COPG2: variants seen among roughly 807,000 people sequenced by gnomAD.
COPG2 encodes the protein coatomer subunit gamma-2.
Under a neutral mutation model 46.3 loss-of-function variants are expected in COPG2, and 37 were observed. The observed-to-expected ratio is 0.80, with a 90% CI of 0.61 to 1.05. The LOEUF (loss-of-function observed/expected upper bound fraction) is 1.05. COPG2 is among the 50% of genes least tolerant of loss of function. COPG2 has a pLI of 0.00. For synonymous variants in COPG2, 159 were observed against 129.7 expected (o/e 1.23, Z -1.53); for missense variants, 427 against 387.8 (o/e 1.10, Z -0.85).
chr7:130,510,417 A>C (rs1236352213), intron 20 of COPG2, among the ~76,000 whole-genome samples: 1 of 152,168 alleles, frequency 6.6e-6, no homozygotes, highest in African/African-American at 2.4e-5. Context: ...CATTTTTTTT[A>C]AACCATGAAA....
Position 130,659,359 on chromosome 7 carries a change from A to AAAAAAAAAAAAAC in COPG2, c.243+3607_243+3608insGTTTTTTTTTTTT, listed in dbSNP as rs1242314650. ...GACAGAGCAAGACTCCGTCTCAAAA[A>AAAAAAAAAAAAAC]AAAAAAAAACGAACAAACAAGCATT... is the stretch of plus-strand genomic sequence containing the variant. On this transcript the variant is annotated intron_variant, in intron 4 of 23. Coordinates refer to ENST00000425248, the MANE Select transcript of COPG2 (RefSeq NM_012133.6). Among the ~76,000 whole-genome samples the AAAAAAAAAAAAAC allele has an allele frequency of 7.4e-5, 11 of 149,406 alleles. 1 individual carries two copies. Among genetic ancestry groups the AAAAAAAAAAAAAC allele is most frequent in the Non-Finnish European group, 1.5e-4 (10 of 67,116 alleles).
intron 5 of COPG2, among the ~76,000 whole-genome samples, chr7:130,620,794 G>A (rs1347125523): frequency 6.6e-6 from 1 of 152,134 alleles, no homozygotes; most frequent in Non-Finnish European, 1.5e-5. Flanking sequence ...AATGCAATGG[G>A]TTTAGATTTT....
At chr7:130,574,744 AAGCT>A (rs1414947227) in intron 9 of COPG2, among the ~76,000 whole-genome samples, 4 of 152,182 alleles carry the variant, frequency 2.6e-5, no homozygotes, top group Non-Finnish European at 5.9e-5. Context: ...GTTAGGTATT[AAGCT>A]AATCAGAGAG....
rs139372686 is a variant in COPG2, at chr7:130,613,456, C to G, written c.492+88G>C. Reference sequence around the variant, plus strand: ...GGTGTATACATATTTTTAACTGTTTCATTTGTGAGACAATCATAGTGATAC... The same window carrying G: ...GGTGTATACATATTTTTAACTGTTTGATTTGTGAGACAATCATAGTGATAC... On this transcript the variant is annotated intron_variant, in intron 7 of 23. Transcript: ENST00000425248. 1,696 of 817,640 alleles carry G rather than the reference C, an allele frequency of 2.1e-3. 1 individual carries two copies. Among genetic ancestry groups the G allele is most frequent in the Non-Finnish European group, 3.1e-3 (1,533 of 489,474 alleles). The allele number at this position is 817,640 out of a possible 1,614,324, so 50.6% of individuals were successfully genotyped here. A position where few individuals can be genotyped will look rare whatever the true frequency, so the allele number is the denominator to read the frequency against.
At chr7:130,553,326 T>TCC (rs1274328739) in intron 14 of COPG2, among the ~76,000 whole-genome samples, 3 of 149,528 alleles carry the variant, frequency 2.0e-5, no homozygotes, top group African/African-American at 7.4e-5. Flanking sequence ...CATTTGAAAG[T>TCC]CCCCCCCGCC....
chr7:130,574,847 T>A (rs1275958411), intron 9 of COPG2, among the ~76,000 whole-genome samples: 1 of 151,846 alleles, frequency 6.6e-6, no homozygotes, highest in Non-Finnish European at 1.5e-5. Context: ...ATAGATTGCT[T>A]AAAGAAAAAA....
intron 16 of COPG2, among the ~76,000 whole-genome samples, 188 bp from the exon 17 acceptor site, chr7:130,550,837 T>C (rs1793526889): frequency 1.3e-5 from 2 of 152,324 alleles, no homozygotes; most frequent in African/African-American, 4.8e-5. Flanking sequence ...AACTGACTTA[T>C]TTCATTCAAG....
intron 11 of COPG2, among the ~76,000 whole-genome samples, 182 bp from the exon 12 acceptor site, chr7:130,561,403 G>C (rs1793717021): frequency 1.3e-5 from 2 of 152,178 alleles, no homozygotes; most frequent in Admixed American, 1.3e-4. Flanking sequence ...TCAACGGCCA[G>C]AGTATAGCAT....
chr7:130,591,774 A>G (rs1370699139), intron 9 of COPG2, among the ~76,000 whole-genome samples: 68 of 132,024 alleles, frequency 5.2e-4, no homozygotes, highest in African/African-American at 1.6e-3. Context: ...CCGGGAGGGA[A>G]GTGGAGGGGT....
At chr7:130,512,052 T>TAAAAAAAAA (rs1182017221) in intron 20 of COPG2, among the ~76,000 whole-genome samples, 18 of 99,142 alleles carry the variant, frequency 1.8e-4, no homozygotes, top group African/African-American at 7.4e-4. Context: ...CTGTGTCTTC[T>TAAAAAAAAA]AAAAAAAAAA....
intron 5 of COPG2, among the ~76,000 whole-genome samples, chr7:130,638,273 CT>C (rs199577786): frequency 0.021 from 3,208 of 152,230 alleles, 92 homozygotes; most frequent in African/African-American, 0.065. Flanking sequence ...ATCTGCTGTC[CT>C]CTTCAGAGCC....
chr7:130,567,416 G>A (rs989451065), intron 9 of COPG2, among the ~76,000 whole-genome samples: 10 of 152,142 alleles, frequency 6.6e-5, no homozygotes, highest in Non-Finnish European at 1.5e-5. Flanking sequence ...AAACTTCCCC[G>A]GCCTTGCAAG....
intron 9 of COPG2, among the ~76,000 whole-genome samples, chr7:130,601,665 C>T (rs1445258536): frequency 3.9e-5 from 6 of 152,082 alleles, no homozygotes; most frequent in Non-Finnish European, 5.9e-5. Context: ...GGGCCTGTCG[C>T]GGGTGGGAAG....
At position 130,563,304 on chromosome 7, in the gene COPG2, C is replaced by T. The variant is rs1160383552; in HGVS notation, c.904G>A (p.Ala302Thr). 3 of 397,932 alleles carry T rather than the reference C, an allele frequency of 7.5e-6. No individual in the cohort carries two copies. Among genetic ancestry groups the T allele is most frequent in the Non-Finnish European group, 1.3e-5 (3 of 225,884 alleles). The allele number at this position is 397,932 out of a possible 1,614,324, so 24.7% of individuals were successfully genotyped here. ...LQLFCSSPKP[A>T]LRYAAVRTLN... ...GTCCTCACAGCTGCATATCTCAAGGCTGGCTTAGGAGAACTACAGAAAAGT... is the reference window on the plus strand; with the variant it reads ...GTCCTCACAGCTGCATATCTCAAGGTTGGCTTAGGAGAACTACAGAAAAGT... Residue 302 changes from alanine to threonine, a missense_variant, in exon 11 of 24, where the codon GCC (alanine) becomes ACC (threonine). Transcript: ENST00000425248.
intron 5 of COPG2, among the ~76,000 whole-genome samples, chr7:130,627,997 T>C (rs565367000): frequency 1.1e-4 from 17 of 152,328 alleles, no homozygotes; most frequent in African/African-American, 3.8e-4. Flanking sequence ...GTATACAGCC[T>C]TCATTGTCTT....
At chr7:130,610,158 C>T (rs371012348) in intron 9 of COPG2, 27 of 508,980 alleles carry the variant, frequency 5.3e-5, no homozygotes, top group African/African-American at 9.8e-5. Context: ...TATAAAGGTG[C>T]AGTAGACACT....
chr7:130,634,201 G>A (rs1795288279), intron 5 of COPG2, among the ~76,000 whole-genome samples: 1 of 152,132 alleles, frequency 6.6e-6, no homozygotes, highest in South Asian at 2.1e-4. Context: ...TTGGCTATGT[G>A]GGATCTTTTT....
intron 9 of COPG2, among the ~76,000 whole-genome samples, chr7:130,590,336 G>A (rs374740058): frequency 2.0e-5 from 3 of 151,950 alleles, no homozygotes; most frequent in South Asian, 2.1e-4. Context: ...CTGCCATCTC[G>A]GCTCACTGCA....
intron 9 of COPG2, among the ~76,000 whole-genome samples, chr7:130,606,730 T>G (rs1794740004): frequency 6.6e-6 from 1 of 152,198 alleles, no homozygotes; most frequent in Non-Finnish European, 1.5e-5. Flanking sequence ...CTCCCTGCAA[T>G]CTTCCCTTCC....
Sources: allele counts gnomAD v4.1 joint callset (sites outside exome capture counted in the v4.1 genomes callset), GRCh38; gene constraint gnomAD v4.1.1; transcripts MANE v1.5; gene names NCBI Gene and HGNC (gene_info 2026-07-23, HGNC 2026-07-21).